Variants in SCG5 observed in about 807,000 individuals in gnomAD.
SCG5 encodes the protein secretogranin V.
A neutral mutation model predicts 25.7 loss-of-function variants in SCG5; 18 were observed. The ratio of observed to expected loss-of-function variants is 0.70; its 90% confidence interval spans 0.48 to 1.04. SCG5 has a LOEUF of 1.04. SCG5 is among the 50% of genes least tolerant of loss of function. The pLI, the probability that SCG5 is intolerant of heterozygous loss-of-function variation, is 0.00. For synonymous variants in SCG5, 101 were observed against 91.7 expected (o/e 1.10, Z -0.58); for missense variants, 206 against 259.8 (o/e 0.79, Z 1.42).
intron 2 of SCG5, among the ~76,000 whole-genome samples, chr15:32,653,546 G>A (rs1208046523): frequency 6.6e-6 from 1 of 152,240 alleles, no homozygotes; most frequent in Non-Finnish European, 1.5e-5. Context: ...AATGTATAGA[G>A]AGACAGACAG....
At chr15:32,680,762 G>A (rs769875624) in intron 3 of SCG5, among the ~76,000 whole-genome samples, 1 of 152,172 alleles carries the variant, frequency 6.6e-6, no homozygotes, top group Non-Finnish European at 1.5e-5. Flanking sequence ...GGTTAAGGAA[G>A]AAGGTTGAAA....
At chr15:32,666,794 G>A (rs1315397088) in intron 2 of SCG5, among the ~76,000 whole-genome samples, 1 of 152,146 alleles carries the variant, frequency 6.6e-6, no homozygotes, top group Non-Finnish European at 1.5e-5. Context: ...AAGTATTCTT[G>A]TTTTACAGAT....
chr15:32,696,595 A>G lies in SCG5; in HGVS notation c.625A>G (p.Lys209Glu), dbSNP rs375377755. The change falls in exon 6 of 6, where the codon AAG (lysine) becomes GAG (glutamate). Residue 209 changes from lysine to glutamate, a missense_variant. By Grantham distance (56) the Lys-to-Glu change is moderately conservative (BLOSUM62 1). Transcript: ENST00000300175. ...KSVPHFSDED[K>E]DPE ...TGTCCCCCATTTTTCAGATGAGGAT[A>G]AGGATCCAGAGTAAAGAGAAGATGC... The G allele has an allele frequency of 4.3e-6, 7 of 1,611,014 alleles. No individual in the cohort carries two copies. The highest frequency in any genetic ancestry group is 4.0e-5 in the African/African-American group (3 of 74,898).
intron 4 of SCG5, among the ~76,000 whole-genome samples, chr15:32,688,831 T>C (rs1035759253): frequency 3.4e-4 from 51 of 151,802 alleles, no homozygotes; most frequent in African/African-American, 1.1e-3. Flanking sequence ...CGGTGGCGGG[T>C]GCCTGTAGTC....
intron 4 of SCG5, among the ~76,000 whole-genome samples, chr15:32,686,813 C>T (rs570595249): frequency 1.2e-4 from 19 of 152,258 alleles, no homozygotes; most frequent in Non-Finnish European, 2.2e-4. Flanking sequence ...TATAGTCCCA[C>T]GGTTGAGATG....
rs530779251 is a variant in SCG5, at chr15:32,692,215, G to A, written c.543+452G>A. ...GAAATAACTTTGAAGGAATTCGGGA[G>A]CAAAAGATGAGATGAACAAACTTAA... On this transcript the variant is annotated intron_variant, in intron 5 of 5. Transcript: ENST00000300175. The A allele has an allele frequency of 1.3e-5, 13 of 997,660 alleles. 1 individual carries two copies. The South Asian group carries it at 2.3e-4, about 18-fold the overall frequency. The allele number at this position is 997,660 out of a possible 1,614,324, so 61.8% of individuals were successfully genotyped here.
At chr15:32,669,167 G>A (rs2054374401) in intron 2 of SCG5, 1 of 152,214 alleles carries the variant, frequency 6.6e-6, no homozygotes, top group Admixed American at 6.5e-5. Flanking sequence ...TATCATGTTA[G>A]TAGAGAAGCT....
rs191668302 is a variant in SCG5, at chr15:32,691,889, C to T, written c.543+126C>T. The T allele has an allele frequency of 4.0e-6, 6 of 1,508,374 alleles. No homozygotes were observed. The East Asian group carries it at 1.3e-4, about 32-fold the overall frequency. The allele number at this position is 1,508,374 out of a possible 1,614,324, so 93.4% of individuals were successfully genotyped here. A position where few individuals can be genotyped will look rare whatever the true frequency, so the allele number is the denominator to read the frequency against. On this transcript the variant is annotated intron_variant, in intron 5 of 5. Coordinates refer to ENST00000300175, the MANE Select transcript of SCG5 (RefSeq NM_001144757.3). ...CTCCCTTGTGTAGTCCTGAGAAACA[C>T]TGGTCCATGTGACAAGGGCCACACC...
At chr15:32,646,915 T>C (rs1271656781) in intron 2 of SCG5, among the ~76,000 whole-genome samples, 1 of 152,220 alleles carries the variant, frequency 6.6e-6, no homozygotes, top group Admixed American at 6.5e-5. Flanking sequence ...AAGAACCAAG[T>C]TGGGAAAGTT....
intron 2 of SCG5, among the ~76,000 whole-genome samples, chr15:32,649,833 C>T (rs1294534653): frequency 6.6e-6 from 1 of 152,248 alleles, no homozygotes; most frequent in African/African-American, 2.4e-5. Flanking sequence ...CGGGTTAACC[C>T]GTAGCCGTAC....
In SCG5 at chr15:32,684,780, T is replaced by C. The variant is rs1360025244; in HGVS notation, c.489+111T>C. ...GAGAGAAGAAAAATTATTTAGAAGC[T>C]AATTTTTCAGAAATCTCTGGTTGAC... On this transcript the variant is annotated intron_variant, in intron 4 of 5. Coordinates refer to ENST00000300175, the MANE Select transcript of SCG5 (RefSeq NM_001144757.3). 9 of 684,938 alleles carry C rather than the reference T, an allele frequency of 1.3e-5. No homozygotes were observed. The African/African-American group carries it at 1.6e-4, about 12-fold the overall frequency. 42.4% of individuals were successfully genotyped at this position (684,938 alleles called of 1,614,324 possible).
rs769772608 is a variant in SCG5, at chr15:32,691,773, G to A, written c.543+10G>A. ...GAGACGAAAGCGGAGGGTAACACGT[G>A]CCTGGCTGGATTGTTGCGGGGATGC... is the stretch of plus-strand genomic sequence containing the variant. On this transcript the variant is annotated intron_variant, in intron 5 of 5. Transcript: ENST00000300175. 5 of 1,612,130 alleles carry A rather than the reference G, an allele frequency of 3.1e-6. No individual in the cohort carries two copies. The highest frequency in any genetic ancestry group is 4.2e-6 in the Non-Finnish European group (5 of 1,179,146).
At chr15:32,646,512 A>C (rs960108690) in intron 2 of SCG5, among the ~76,000 whole-genome samples, 1 of 152,216 alleles carries the variant, frequency 6.6e-6, no homozygotes, top group African/African-American at 2.4e-5. Flanking sequence ...TAGTCTTCTA[A>C]TTATAATGTA....
At chr15:32,679,567 T>A (rs2054581002) in intron 2 of SCG5, among the ~76,000 whole-genome samples, 199 bp from the exon 3 acceptor site, 1 of 152,220 alleles carries the variant, frequency 6.6e-6, no homozygotes, top group African/African-American at 2.4e-5. Context: ...GTTTGCCTTG[T>A]ATGGAAATAA....
At chr15:32,684,353 G>A (rs2054667395) in intron 3 of SCG5, 1 of 532,738 alleles carries the variant, frequency 1.9e-6, no homozygotes, top group African/African-American at 1.9e-5. Flanking sequence ...TGAACAGCCA[G>A]TGAGTCTCTG....
chr15:32,672,596 C>T (rs2054449801), intron 2 of SCG5, among the ~76,000 whole-genome samples: 1 of 151,142 alleles, frequency 6.6e-6, no homozygotes, highest in African/African-American at 2.4e-5. Context: ...ATGAGAGACC[C>T]CAGGTACCCC....
chr15:32,643,483 GGTGGTCCTCGAACCACAACCTGGA>G (rs1567066954), intron 1 of SCG5, 79 bp from the exon 2 acceptor site: 1 of 868,772 alleles, frequency 1.2e-6, no homozygotes, highest in African/African-American at 1.7e-5. Flanking sequence ...CCCCTTTCTG[GGTGGTCCTCGAACCACAACCTGGA>G]GTGGTTGCAT....
chr15:32,643,066 A>G (rs2053891461), intron 1 of SCG5, among the ~76,000 whole-genome samples: 1 of 152,242 alleles, frequency 6.6e-6, no homozygotes, highest in Middle Eastern at 3.4e-3. Flanking sequence ...TCGCAAACGT[A>G]TTGGATGTTT....
At chr15:32,655,807 T>C (rs1250451414) in intron 2 of SCG5, among the ~76,000 whole-genome samples, 1 of 152,144 alleles carries the variant, frequency 6.6e-6, no homozygotes. Flanking sequence ...AGACACAGAA[T>C]CTACAGGCAC....
Sources: allele counts gnomAD v4.1 joint callset (sites outside exome capture counted in the v4.1 genomes callset), GRCh38; gene constraint gnomAD v4.1.1; transcripts MANE v1.5; gene names NCBI Gene and HGNC (gene_info 2026-07-23, HGNC 2026-07-21).